Variants in GRB2 observed in about 807,000 individuals in gnomAD.
GRB2 encodes growth factor receptor-bound protein 2.
A neutral mutation model predicts 27.4 loss-of-function variants in GRB2; 2 were observed. That is an observed-to-expected ratio of 0.07 (90% CI 0.03 to 0.23). The LOEUF is 0.23. GRB2 is among the 10% of genes least tolerant of loss of function. GRB2 has a pLI of 1.00. For missense variants in GRB2, 102 were observed against 282.4 expected (o/e 0.36, Z 4.58); for synonymous variants, 94 against 99.6 (o/e 0.94, Z 0.33).
intron 4 of GRB2, 85 bp downstream of exon 4, chr17:75,325,813 G>C: frequency 1.5e-6 from 2 of 1,368,104 alleles, no homozygotes; most frequent in South Asian, 1.2e-5. Flanking sequence ...ACCATTTTGT[G>C]TGTAGCCAGG....
intron 2 of GRB2, among the ~76,000 whole-genome samples, chr17:75,348,794 G>A (rs1431326322): frequency 1.3e-5 from 2 of 152,186 alleles, no homozygotes; most frequent in South Asian, 4.1e-4. Context: ...TCCCACCTCA[G>A]TCTCCTGAGT....
intron 2 of GRB2, among the ~76,000 whole-genome samples, chr17:75,382,094 G>T (rs1220297498): frequency 6.6e-6 from 1 of 152,058 alleles, no homozygotes; most frequent in African/African-American, 2.4e-5. Flanking sequence ...GTGGAGGCAC[G>T]TGCCTGTAGT....
rs1467312538 is a variant in GRB2, at chr17:75,385,040, A to AGC, written c.78+8510_78+8511insGC. The stretch of plus-strand genomic sequence containing the variant: ...CCTCCTGGCTCTACCAAAAAAAAAA[A>AGC]AAAAAAAAAAAAAAAAAAGCAAACA... On this transcript the variant is annotated intron_variant, in intron 2 of 5. Transcript: ENST00000316804. 7.2e-4 allele frequency among the ~76,000 whole-genome samples: 61 copies of AGC among 84,308 alleles called. 1 individual carries two copies. The highest frequency in any genetic ancestry group is 1.6e-3 in the African/African-American group (58 of 36,080). 55.3% of individuals were successfully genotyped at this position (84,308 alleles called of 152,430 possible). A position where few individuals can be genotyped will look rare whatever the true frequency, so the allele number is the denominator to read the frequency against.
At chr17:75,402,058 AC>A (rs1555614039) in intron 1 of GRB2, among the ~76,000 whole-genome samples, 3 of 152,186 alleles carry the variant, frequency 2.0e-5, no homozygotes, top group Non-Finnish European at 4.4e-5. Flanking sequence ...CCTACCAAAC[AC>A]CACAGCTTAG....
At chr17:75,321,952 G>T (rs572752385) in intron 4 of GRB2, 125 bp from the exon 5 acceptor site, 2 of 861,456 alleles carry the variant, frequency 2.3e-6, no homozygotes, top group East Asian at 5.3e-5. Context: ...GGACTGCAGA[G>T]CAACAAGTTT....
chr17:75,367,226 T>C (rs1201942543), intron 2 of GRB2, among the ~76,000 whole-genome samples: 10 of 152,154 alleles, frequency 6.6e-5, no homozygotes, highest in Admixed American at 6.5e-4. Flanking sequence ...GCTAAAGTGC[T>C]GTAGCGTGAT....
At chr17:75,397,231 G>A (rs1179941179) in intron 1 of GRB2, among the ~76,000 whole-genome samples, 1 of 152,126 alleles carries the variant, frequency 6.6e-6, no homozygotes, top group Non-Finnish European at 1.5e-5. Flanking sequence ...TCCAAAGGGT[G>A]TGTTTCAGTA....
intron 2 of GRB2, among the ~76,000 whole-genome samples, chr17:75,350,728 G>C (rs1166113788): frequency 1.3e-5 from 2 of 152,096 alleles, no homozygotes; most frequent in Non-Finnish European, 2.9e-5. Context: ...TCCTGACCTC[G>C]TGATCCGCCC....
intron 2 of GRB2, among the ~76,000 whole-genome samples, chr17:75,378,580 G>T (rs2078909251): frequency 6.6e-6 from 1 of 152,124 alleles, no homozygotes; most frequent in Non-Finnish European, 1.5e-5. Context: ...CAAACTCATA[G>T]CTAAATATGA....
chr17:75,384,023 G>A (rs2078946746), intron 2 of GRB2, among the ~76,000 whole-genome samples: 1 of 152,160 alleles, frequency 6.6e-6, no homozygotes, highest in African/African-American at 2.4e-5. Flanking sequence ...CTGTGACAGA[G>A]CTAGGATTCC....
intron 2 of GRB2, among the ~76,000 whole-genome samples, chr17:75,391,084 C>G (rs1272263858): frequency 6.6e-6 from 1 of 152,138 alleles, no homozygotes; most frequent in Non-Finnish European, 1.5e-5. Flanking sequence ...CTCCTCTTCA[C>G]CCAGCCATTT....
chr17:75,329,965 G>A (rs1343355250), intron 3 of GRB2, among the ~76,000 whole-genome samples: 1 of 152,088 alleles, frequency 6.6e-6, no homozygotes, highest in Admixed American at 6.6e-5. Context: ...ATGCTTACGG[G>A]TGAATTTTTT....
intron 2 of GRB2, among the ~76,000 whole-genome samples, chr17:75,391,136 C>T (rs78285221): frequency 3.3e-5 from 5 of 149,862 alleles, no homozygotes; most frequent in Non-Finnish European, 5.9e-5. Context: ...TATCGTCACT[C>T]TTTTTTTTTT....
At chr17:75,337,746 AT>A (rs1210994612) in intron 2 of GRB2, among the ~76,000 whole-genome samples, 1 of 149,032 alleles carries the variant, frequency 6.7e-6, no homozygotes, top group African/African-American at 2.5e-5. Flanking sequence ...AATTTTTTAT[AT>A]TTTTAGTAGA....
At chr17:75,354,216 C>T (rs2078713903) in intron 2 of GRB2, among the ~76,000 whole-genome samples, 1 of 130,530 alleles carries the variant, frequency 7.7e-6, no homozygotes, top group Non-Finnish European at 1.5e-5. Context: ...ACATTGTTTT[C>T]TGGTATTCAG....
At chr17:75,376,532 A>G (rs1028451047) in intron 2 of GRB2, among the ~76,000 whole-genome samples, 1 of 151,090 alleles carries the variant, frequency 6.6e-6, no homozygotes, top group African/African-American at 2.4e-5. Context: ...AAAAAAAAAA[A>G]AAAAGATTAG....
intron 2 of GRB2, among the ~76,000 whole-genome samples, chr17:75,334,997 C>A (rs2078567501): frequency 6.6e-6 from 1 of 151,854 alleles, no homozygotes; most frequent in Admixed American, 6.6e-5. Flanking sequence ...GGACTATAGG[C>A]ACTTGCCATG....
At chr17:75,338,275 G>C (rs745810303) in intron 2 of GRB2, among the ~76,000 whole-genome samples, 4 of 151,948 alleles carry the variant, frequency 2.6e-5, no homozygotes, top group African/African-American at 9.7e-5. Context: ...ATGTTGGCCA[G>C]GCTGGTCTCG....
At chr17:75,358,051 T>G (rs548720600) in intron 2 of GRB2, among the ~76,000 whole-genome samples, 1 of 152,346 alleles carries the variant, frequency 6.6e-6, no homozygotes, top group East Asian at 1.9e-4. Flanking sequence ...ACGACATGCA[T>G]GAGCCACCAA....
Sources: allele counts gnomAD v4.1 joint callset (sites outside exome capture counted in the v4.1 genomes callset), GRCh38; gene constraint gnomAD v4.1.1; transcripts MANE v1.5; gene names NCBI Gene and HGNC (gene_info 2026-07-23, HGNC 2026-07-21).